Variants in MACC1 observed in about 807,000 individuals in gnomAD.
The protein encoded by MACC1 is MET transcriptional regulator MACC1.
A neutral mutation model predicts 70.7 loss-of-function variants in MACC1; 79 were observed. The observed-to-expected ratio is 1.12, with a 90% CI of 0.93 to 1.35. The LOEUF (loss-of-function observed/expected upper bound fraction) is 1.35. Among genes scored for constraint, MACC1 ranks in the 40% most tolerant of loss-of-function variants. The pLI is 0.00. For missense variants in MACC1, 1,106 were observed against 978.1 expected (o/e 1.13, Z -1.74); for synonymous variants, 361 against 347.2 (o/e 1.04, Z -0.44).
In MACC1 at chr7:20,135,770, T is replaced by C. The variant is rs535535299; in HGVS notation, c.*5176A>G. 5.3e-5 allele frequency: 8 copies of C among 152,360 alleles called. No individual in the cohort carries two copies. In the East Asian group the frequency reaches 1.3e-3, roughly 26 times the overall value. The allele number at this position is 152,360 out of a possible 1,614,324, so 9.4% of individuals were successfully genotyped here. On this transcript the variant is annotated 3_prime_UTR_variant, in exon 7 of 7. Transcript: ENST00000400331. Reference sequence around the variant, plus strand: ...TTTGAGAAGCTCCTAGTGAAACCAATGCTGACCTCCTAAGTCAGTACTCAA... The same window carrying C: ...TTTGAGAAGCTCCTAGTGAAACCAACGCTGACCTCCTAAGTCAGTACTCAA...
chr7:20,171,378 A>C (rs1347712037), intron 1 of MACC1, among the ~76,000 whole-genome samples: 1 of 148,068 alleles, frequency 6.8e-6, no homozygotes, highest in Non-Finnish European at 1.5e-5. Context: ...CAGCCTCCTG[A>C]GTAGCTGGGA....
chr7:20,164,904 T>TA lies in MACC1; in HGVS notation c.-152-506dup, dbSNP rs59399564. ...AAACTACCTAAACTCTTTTTTTTTT[T>TA]ATGAGGAAAGAGCAAAATGAGCAAT... On this transcript the variant is annotated intron_variant, in intron 2 of 6. Transcript: ENST00000400331. 6.1e-3 allele frequency among the ~76,000 whole-genome samples: 926 copies of TA among 151,718 alleles called. 5 individuals are homozygous for TA. Among genetic ancestry groups the TA allele is most frequent in the Non-Finnish European group, 9.7e-3 (657 of 67,920 alleles).
In MACC1 at chr7:20,164,401, T is replaced by C. The variant is rs1288351126; in HGVS notation, c.-152-2A>G. 6.6e-6 allele frequency: 1 copy of C among 151,952 alleles called. No homozygotes were observed. Among genetic ancestry groups the C allele is most frequent in the Non-Finnish European group, 1.5e-5 (1 of 67,994 alleles). 9.4% of individuals were successfully genotyped at this position (151,952 alleles called of 1,614,324 possible). A position where few individuals can be genotyped will look rare whatever the true frequency, so the allele number is the denominator to read the frequency against. On this transcript the variant is annotated splice_acceptor_variant, in intron 2 of 6. Transcript: ENST00000400331. LOFTEE classifies it low-confidence loss of function (5UTR_SPLICE). The stretch of plus-strand genomic sequence containing the variant: ...AAGAAAGCAGAAGCCTTTTCTGATC[T>C]ATAAAAATGAAAGAAAAAATTAAAA...
Position 20,138,327 on chromosome 7 carries a change from G to C in MACC1, c.*2619C>G, listed in dbSNP as rs187662311. ...ATTCTCAATCACAATCATAATACAT[G>C]ATGCAATGTAAACCTTAAATTATTT... On this transcript the variant is annotated 3_prime_UTR_variant, in exon 7 of 7. Transcript: ENST00000400331. The C allele has an allele frequency of 6.6e-6, 1 of 151,892 alleles. No homozygotes were observed. Among genetic ancestry groups the C allele is most frequent in the African/African-American group, 2.4e-5 (1 of 41,336 alleles). 9.4% of individuals were successfully genotyped at this position (151,892 alleles called of 1,614,324 possible).
Position 20,189,508 on chromosome 7 carries a change from A to G in MACC1, c.-217-18730T>C, listed in dbSNP as rs549404453. Among the ~76,000 whole-genome samples, 33 of 152,338 alleles carry G rather than the reference A, an allele frequency of 2.2e-4. No homozygotes were observed. In the South Asian group the frequency reaches 5.2e-3, roughly 24 times the overall value. On this transcript the variant is annotated intron_variant, in intron 1 of 6. Coordinates refer to ENST00000400331, the MANE Select transcript of MACC1 (RefSeq NM_182762.4). ...GAATAAAAGTCATTGCGGCAAATCA[A>G]TGGAGGTTTGTAAAGATTTCCTAGG...
intron 1 of MACC1, among the ~76,000 whole-genome samples, chr7:20,198,009 C>A (rs1443875304): frequency 1.3e-5 from 2 of 152,190 alleles, no homozygotes; most frequent in Admixed American, 1.3e-4. Flanking sequence ...AAATACCACC[C>A]TCTGGTGGTG....
At chr7:20,188,061 G>A (rs964813026) in intron 1 of MACC1, among the ~76,000 whole-genome samples, 12 of 151,966 alleles carry the variant, frequency 7.9e-5, no homozygotes, top group South Asian at 4.2e-4. Flanking sequence ...GAGAAGTGCC[G>A]AGCAAAAAGG....
intron 1 of MACC1, among the ~76,000 whole-genome samples, chr7:20,182,701 A>G (rs1185751632): frequency 6.6e-6 from 1 of 152,042 alleles, no homozygotes. Flanking sequence ...TTCCCCCATA[A>G]AACACCCAAT....
chr7:20,152,514 G>T (rs1290138694), intron 6 of MACC1, among the ~76,000 whole-genome samples: 1 of 152,130 alleles, frequency 6.6e-6, no homozygotes, highest in South Asian at 2.1e-4. Flanking sequence ...ATGACCTCAG[G>T]CCAATATACT....
Position 20,140,180 on chromosome 7 carries a change from A to G in MACC1, c.*766T>C, listed in dbSNP as rs1348345751. ...AGTCTTTCAAGAGACGATGAAAAAG[A>G]GTAGCAAGTCTCACTTAAAATGAAA... is the stretch of plus-strand genomic sequence containing the variant. On this transcript the variant is annotated 3_prime_UTR_variant, in exon 7 of 7. Transcript: ENST00000400331. The G allele has an allele frequency of 6.6e-6, 1 of 152,208 alleles. No homozygotes were observed. Among genetic ancestry groups the G allele is most frequent in the African/African-American group, 2.4e-5 (1 of 41,458 alleles). 9.4% of individuals were successfully genotyped at this position (152,208 alleles called of 1,614,324 possible). A position where few individuals can be genotyped will look rare whatever the true frequency, so the allele number is the denominator to read the frequency against.
rs747447568 is a variant in MACC1 at position 20,160,229 on chromosome 7, G to T, written c.132C>A (p.Asp44Glu). The T allele has an allele frequency of 6.4e-7, 1 of 1,567,098 alleles. No homozygotes were observed. ...AAGCATCCGGCCAATTGTGAAGCAA[G>T]TCTGGGTCCTGGCATTCTTGTTATT... ...SCNITECQDP[D>E]LLHNWPDAFT... The change falls in exon 5 of 7, where the codon GAC becomes GAA. Residue 44 changes from aspartate (D) to glutamate (E), a missense_variant. Transcript: ENST00000400331.
intron 1 of MACC1, among the ~76,000 whole-genome samples, chr7:20,183,057 G>T (rs1000670700): frequency 6.6e-6 from 1 of 152,158 alleles, no homozygotes; most frequent in Non-Finnish European, 1.5e-5. Context: ...GTGAATGTGG[G>T]TTGAATCTGC....
chr7:20,179,745 A>G (rs1583399744), intron 1 of MACC1, among the ~76,000 whole-genome samples: 2 of 152,230 alleles, frequency 1.3e-5, no homozygotes, highest in Middle Eastern at 6.8e-3. Flanking sequence ...GGTAGCTGAC[A>G]TCAACCAGTG....
chr7:20,190,621 C>T (rs1782658138), intron 1 of MACC1, among the ~76,000 whole-genome samples: 1 of 152,114 alleles, frequency 6.6e-6, no homozygotes, highest in Non-Finnish European at 1.5e-5. Flanking sequence ...AATTCTGGAG[C>T]AGTTCATGGC....
chr7:20,184,730 C>T (rs1215328510), intron 1 of MACC1, among the ~76,000 whole-genome samples: 3 of 152,160 alleles, frequency 2.0e-5, no homozygotes, highest in African/African-American at 7.2e-5. Flanking sequence ...ACACTCTTTA[C>T]TCTTAACTAC....
At chr7:20,179,549 G>A (rs959301458) in intron 1 of MACC1, among the ~76,000 whole-genome samples, 1 of 152,172 alleles carries the variant, frequency 6.6e-6, no homozygotes, top group Non-Finnish European at 1.5e-5. Flanking sequence ...TCGATATATT[G>A]CAGATCCATG....
intron 6 of MACC1, among the ~76,000 whole-genome samples, chr7:20,148,195 A>G (rs1337953585): frequency 1.3e-5 from 2 of 152,182 alleles, no homozygotes; most frequent in Non-Finnish European, 2.9e-5. Flanking sequence ...CCAATGCTAT[A>G]AAAGAATTGC....
chr7:20,195,667 A>G (rs1782740496), intron 1 of MACC1, among the ~76,000 whole-genome samples: 1 of 152,254 alleles, frequency 6.6e-6, no homozygotes, highest in East Asian at 1.9e-4. Flanking sequence ...TTTTTTCATC[A>G]GGAGAATGTT....
At chr7:20,153,668 T>C (rs1443729461) in intron 6 of MACC1, 1 of 152,548 alleles carries the variant, frequency 6.6e-6, no homozygotes, top group Non-Finnish European at 1.5e-5. Flanking sequence ...TGCCTGTAGT[T>C]ACTGTAGGCA....
Sources: allele counts gnomAD v4.1 joint callset (sites outside exome capture counted in the v4.1 genomes callset), GRCh38; gene constraint gnomAD v4.1.1; transcripts MANE v1.5; gene names NCBI Gene and HGNC (gene_info 2026-07-23, HGNC 2026-07-21).